DHRS13: variants seen among roughly 807,000 people sequenced by gnomAD.
DHRS13 encodes the protein dehydrogenase/reductase 13, also known as dehydrogenase/reductase SDR family member 13.
Under a neutral mutation model 17.9 loss-of-function variants are expected in DHRS13, and 22 were observed. The observed-to-expected ratio is 1.23, with a 90% CI of 0.88 to 1.75. The LOEUF (loss-of-function observed/expected upper bound fraction) is 1.75, where lower values mean the gene tolerates loss of function less well. Among genes scored for constraint, DHRS13 ranks in the 40% most tolerant of loss-of-function variants. The pLI is 0.00. For missense variants in DHRS13, 483 were observed against 519.9 expected (o/e 0.93, Z 0.69); for synonymous variants, 206 against 220.4 (o/e 0.93, Z 0.58).
rs1256437653 is a variant in DHRS13, at chr17:28,902,662, A to G, written c.167T>C (p.Leu56Pro). 3 of 1,434,886 alleles carry G rather than the reference A, an allele frequency of 2.1e-6. No homozygotes were observed. Among genetic ancestry groups the G allele is most frequent in the Non-Finnish European group, 2.7e-6 (3 of 1,101,574 alleles). The allele number at this position is 1,434,886 out of a possible 1,614,324, so 88.9% of individuals were successfully genotyped here. Residue 56 changes from leucine (L) to proline (P), a missense_variant, in exon 2 of 5, where the codon CTG (leucine) becomes CCG (proline). Physicochemically the swap from Leu to Pro is moderately conservative, Grantham distance 98 (BLOSUM62 -3). Coordinates refer to ENST00000378895, the MANE Select transcript of DHRS13 (RefSeq NM_144683.4). This position sits in a 1 kb window ranked among gnomAD's most constrained non-coding sequence, Gnocchi z 4.0. ...SGIGKMTALE[L>P]ARRGARVVLA... Reference sequence around the variant, plus strand: ...CACCACGCGCGCTCCCCGGCGCGCCAGCTCCAGCGCCGTCATCTTTCCGAT... The same window carrying G: ...CACCACGCGCGCTCCCCGGCGCGCCGGCTCCAGCGCCGTCATCTTTCCGAT...
Position 28,901,372 on chromosome 17 carries a change from G to C in DHRS13, c.371-71C>G. ...GCAGCCTTGGCATCCCTATCTATGA[G>C]ATGGGAGAAGGGGGCATCCTTCCCA... is the stretch of plus-strand genomic sequence containing the variant. On this transcript the variant is annotated intron_variant, in intron 3 of 4. Transcript: ENST00000378895. This position sits in a 1 kb window ranked among gnomAD's most constrained non-coding sequence, Gnocchi z 4.3. The C allele has an allele frequency of 1.9e-6, 3 of 1,583,458 alleles. No homozygotes were observed. The highest frequency in any genetic ancestry group is 2.6e-6 in the Non-Finnish European group (3 of 1,163,324).
Position 28,901,652 on chromosome 17 carries a change from A to T in DHRS13, c.247-36T>A. Reference sequence around the variant, plus strand: ...GCAAGGGCTGGGCTTGTCACCAGGCATCTCTCTCCTCTTCCCTCTCCCCAG... The same window carrying T: ...GCAAGGGCTGGGCTTGTCACCAGGCTTCTCTCTCCTCTTCCCTCTCCCCAG... On this transcript the variant is annotated intron_variant, in intron 2 of 4. Transcript: ENST00000378895. The surrounding 1 kb of genome is among the most constrained non-coding windows in gnomAD (Gnocchi z 4.3). 3 of 1,610,614 alleles carry T rather than the reference A, an allele frequency of 1.9e-6. No individual in the cohort carries two copies. The highest frequency in any genetic ancestry group is 2.2e-5 in the South Asian group (2 of 90,994).
rs1180843595 is a variant in DHRS13, at chr17:28,901,173, C to A, written c.499G>T (p.Val167Leu). 3 of 1,614,068 alleles carry A rather than the reference C, an allele frequency of 1.9e-6. No individual in the cohort carries two copies. Reference sequence around the variant, plus strand: ...CGACAGTGGGCAGCTGAGGCTACCACCACCACGCGGCTAGGGGCACATGCC... The same window carrying A: ...CGACAGTGGGCAGCTGAGGCTACCAACACCACGCGGCTAGGGGCACATGCC... The part of the protein sequence containing the change: ...LKACAPSRVV[V>L]VASAAHCRGR... The change falls in exon 4 of 5, where the codon GTG becomes TTG. Residue 167 changes from valine to leucine, a missense_variant. Physicochemically the swap from Val to Leu is conservative, Grantham distance 32. Coordinates refer to ENST00000378895, the MANE Select transcript of DHRS13 (RefSeq NM_144683.4). The surrounding 1 kb of genome is among the most constrained non-coding windows in gnomAD (Gnocchi z 4.3).
At position 28,901,385 on chromosome 17, in the gene DHRS13, G is replaced by A; in HGVS notation, c.371-84C>T. The A allele has an allele frequency of 1.3e-6, 2 of 1,588,886 alleles. No homozygotes were observed. The highest frequency in any genetic ancestry group is 1.7e-6 in the Non-Finnish European group (2 of 1,166,738). On this transcript the variant is annotated intron_variant, in intron 3 of 4. Coordinates refer to ENST00000378895, the MANE Select transcript of DHRS13 (RefSeq NM_144683.4). This position sits in a 1 kb window ranked among gnomAD's most constrained non-coding sequence, Gnocchi z 4.3. ...CCCTATCTATGAGATGGGAGAAGGGGGCATCCTTCCCATGTGTCCACTGGC... is the reference window on the plus strand; with the variant it reads ...CCCTATCTATGAGATGGGAGAAGGGAGCATCCTTCCCATGTGTCCACTGGC...
At position 28,903,069 on chromosome 17, in the gene DHRS13, G is replaced by GCGGGCAGGAGGC; in HGVS notation, c.-126_-125insGCCTCCTGCCCG. The GCGGGCAGGAGGC allele has an allele frequency of 2.3e-6, 2 of 880,054 alleles. No homozygotes were observed. The highest frequency in any genetic ancestry group is 3.0e-6 in the Non-Finnish European group (2 of 674,882). 54.5% of individuals were successfully genotyped at this position (880,054 alleles called of 1,614,324 possible). A position where few individuals can be genotyped will look rare whatever the true frequency, so the allele number is the denominator to read the frequency against. ...GGCGCGTCAGCCTCCGAAGGCGGAGGCGGGCAGGAGGCTGGGCAGGGGCGT... is the reference window on the plus strand; with the variant it reads ...GGCGCGTCAGCCTCCGAAGGCGGAGGCGGGCAGGAGGCCGGGCAGGAGGCTGGGCAGGGGCGT... On this transcript the variant is annotated 5_prime_UTR_variant, in exon 1 of 5. Coordinates refer to ENST00000378895, the MANE Select transcript of DHRS13 (RefSeq NM_144683.4). This position sits in a 1 kb window ranked among gnomAD's most constrained non-coding sequence, Gnocchi z 4.8.
chr17:28,901,352 C>T lies in DHRS13; in HGVS notation c.371-51G>A. The T allele has an allele frequency of 6.3e-7, 1 of 1,581,172 alleles. No homozygotes were observed. The highest frequency in any genetic ancestry group is 8.6e-7 in the Non-Finnish European group (1 of 1,162,288). On this transcript the variant is annotated intron_variant, in intron 3 of 4. Coordinates refer to ENST00000378895, the MANE Select transcript of DHRS13 (RefSeq NM_144683.4). The surrounding 1 kb of genome is among the most constrained non-coding windows in gnomAD (Gnocchi z 4.3). ...GCTGCTCCAGAAGGAGCTCTGCAGC[C>T]TTGGCATCCCTATCTATGAGATGGG...
chr17:28,902,723 C>G lies in DHRS13; in HGVS notation c.128-22G>C. On this transcript the variant is annotated intron_variant, in intron 1 of 4. Transcript: ENST00000378895. This position sits in a 1 kb window ranked among gnomAD's most constrained non-coding sequence, Gnocchi z 4.0. ...GCGCCTGCGGACCGCGGGCGGGAGC[C>G]GAGCTGAGCTGAGCCCGGCGGGCCG... The G allele has an allele frequency of 7.4e-7, 1 of 1,351,964 alleles. No homozygotes were observed. The highest frequency in any genetic ancestry group is 1.8e-5 in the South Asian group (1 of 55,332). The allele number at this position is 1,351,964 out of a possible 1,614,324, so 83.7% of individuals were successfully genotyped here.
rs1235060082 is a variant in DHRS13, at chr17:28,899,908, T to TTTTTTTC, written c.683-1023_683-1017dup. On this transcript the variant is annotated intron_variant, in intron 4 of 4. Coordinates refer to ENST00000378895, the MANE Select transcript of DHRS13 (RefSeq NM_144683.4). This position sits in a 1 kb window ranked among gnomAD's most constrained non-coding sequence, Gnocchi z 4.7. Reference sequence around the variant, plus strand: ...TTTGTAGTAGAGACAGGTTTTCTTTTTTTTTTCTTTTTTCTTTTTTTTTGA... The same window carrying TTTTTTTC: ...TTTGTAGTAGAGACAGGTTTTCTTTTTTTTTTCTTTTTTCTTTTTTCTTTTTTTTTGA... 1.3e-5 allele frequency among the ~76,000 whole-genome samples: 2 copies of TTTTTTTC among 151,262 alleles called. No individual in the cohort carries two copies. The highest frequency in any genetic ancestry group is 2.9e-5 in the Non-Finnish European group (2 of 67,894).
Position 28,902,743 on chromosome 17 carries a change from G to A in DHRS13, c.128-42C>T. ...GGAGCCGAGCTGAGCTGAGCCCGGC[G>A]GGCCGCTGCTACCGCCGGCCCGGCC... On this transcript the variant is annotated intron_variant, in intron 1 of 4. Transcript: ENST00000378895. This position sits in a 1 kb window ranked among gnomAD's most constrained non-coding sequence, Gnocchi z 4.0. 7.3e-7 allele frequency: 1 copy of A among 1,375,756 alleles called. No homozygotes were observed. The highest frequency in any genetic ancestry group is 9.3e-7 in the Non-Finnish European group (1 of 1,074,970). The allele number at this position is 1,375,756 out of a possible 1,614,324, so 85.2% of individuals were successfully genotyped here. A position where few individuals can be genotyped will look rare whatever the true frequency, so the allele number is the denominator to read the frequency against.
chr17:28,900,318 C>G (rs146455810), intron 4 of DHRS13, among the ~76,000 whole-genome samples: 1 of 152,232 alleles, frequency 6.6e-6, no homozygotes, highest in African/African-American at 2.4e-5. Context: ...CATGAGCCAC[C>G]GCTTCCAGCC....
rs547099424 is a variant in DHRS13, at chr17:28,900,861, C to A, written c.682+129G>T. 8 of 1,075,440 alleles carry A rather than the reference C, an allele frequency of 7.4e-6. No individual in the cohort carries two copies. In the South Asian group the frequency reaches 9.9e-5, roughly 13 times the overall value. 66.6% of individuals were successfully genotyped at this position (1,075,440 alleles called of 1,614,324 possible). ...GGAACAGGTCTCTCCTTGGACTATG[C>A]TTCCTTGCTGCCCTGAGATTCTGTG... On this transcript the variant is annotated intron_variant, in intron 4 of 4. Transcript: ENST00000378895.
chr17:28,902,854 T>A lies in DHRS13; in HGVS notation c.91A>T (p.Met31Leu). 1 of 1,550,552 alleles carries A rather than the reference T, an allele frequency of 6.4e-7. No homozygotes were observed. Among genetic ancestry groups the A allele is most frequent in the South Asian group, 1.2e-5 (1 of 86,890 alleles). The change falls in exon 1 of 5, where the codon ATG (methionine) becomes TTG (leucine). Residue 31 changes from methionine to leucine, a missense_variant. Physicochemically the swap from Met to Leu is conservative, Grantham distance 15. Transcript: ENST00000378895. This position sits in a 1 kb window ranked among gnomAD's most constrained non-coding sequence, Gnocchi z 4.0. ...GCCGTGCGGCCCCGCAGGTTGCCCA[T>A]GCCGCCGCACGGCGGGGCCTTCACC... ...NLVKAPPCGG[M>L]GNLRGRTAVV... is the part of the protein sequence containing the mutation.
In DHRS13 at chr17:28,901,499, T is replaced by G. The variant is rs779720766; in HGVS notation, c.364A>C (p.Asn122His). Residue 122 changes from asparagine (N) to histidine (H), a missense_variant, in exon 3 of 5, where the codon AAT (asparagine) becomes CAT (histidine). Coordinates refer to ENST00000378895, the MANE Select transcript of DHRS13 (RefSeq NM_144683.4). This position sits in a 1 kb window ranked among gnomAD's most constrained non-coding sequence, Gnocchi z 4.3. ...AGGGCCTGCTGCCCCTCACCGGCATTGTGGATGAGGATGTCCAACCGTGGC... is the reference window on the plus strand; with the variant it reads ...AGGGCCTGCTGCCCCTCACCGGCATGGTGGATGAGGATGTCCAACCGTGGC... ...SEPRLDILIH[N>H]AGISSCGRTR... is the part of the protein sequence containing the mutation. 6 of 1,613,868 alleles carry G rather than the reference T, an allele frequency of 3.7e-6. No homozygotes were observed. Among genetic ancestry groups the G allele is most frequent in the Non-Finnish European group, 5.1e-6 (6 of 1,179,956 alleles).
chr17:28,902,853 A>C lies in DHRS13; in HGVS notation c.92T>G (p.Met31Arg). 2 of 1,550,360 alleles carry C rather than the reference A, an allele frequency of 1.3e-6. No homozygotes were observed. Among genetic ancestry groups the C allele is most frequent in the South Asian group, 1.2e-5 (1 of 86,880 alleles). Residue 31 changes from methionine to arginine, a missense_variant, in exon 1 of 5, where the codon ATG becomes AGG. By Grantham distance (91) the Met-to-Arg change is moderately conservative (BLOSUM62 -1). Coordinates refer to ENST00000378895, the MANE Select transcript of DHRS13 (RefSeq NM_144683.4). The surrounding 1 kb of genome is among the most constrained non-coding windows in gnomAD (Gnocchi z 4.0). ...GGCCGTGCGGCCCCGCAGGTTGCCC[A>C]TGCCGCCGCACGGCGGGGCCTTCAC... ...NLVKAPPCGG[M>R]GNLRGRTAVV...
chr17:28,901,560 C>G lies in DHRS13; in HGVS notation c.303G>C (p.Ser101=), dbSNP rs150069061. 1,515 of 1,614,228 alleles carry G rather than the reference C, an allele frequency of 9.4e-4. No homozygotes were observed. The highest frequency in any genetic ancestry group is 1.2e-3 in the Non-Finnish European group (1,410 of 1,180,040). The change falls in exon 3 of 5, where the codon TCG becomes TCC. Residue 101 remains serine (S), a synonymous_variant. Transcript: ENST00000378895. This position sits in a 1 kb window ranked among gnomAD's most constrained non-coding sequence, Gnocchi z 4.3. ...FMALDLASLA[S]VRAFATAFLS... ...GAAAGGCAGTGGCAAAGGCCCGCAC[C>G]GAGGCCAGACTGGCCAAGTCCAAGG...
chr17:28,902,238 A>G lies in DHRS13; in HGVS notation c.246+345T>C, dbSNP rs933518073. On this transcript the variant is annotated intron_variant, in intron 2 of 4. Transcript: ENST00000378895. The surrounding 1 kb of genome is among the most constrained non-coding windows in gnomAD (Gnocchi z 4.0). ...ATACTTTGTGCTCCAGCCTCATTAA[A>G]TCTTTTTCTCAGTTTTTCAGATCAG... 9.7e-6 allele frequency: 2 copies of G among 207,220 alleles called. No individual in the cohort carries two copies. Among genetic ancestry groups the G allele is most frequent in the African/African-American group, 4.6e-5 (2 of 43,052 alleles). 12.8% of individuals were successfully genotyped at this position (207,220 alleles called of 1,614,324 possible). A position where few individuals can be genotyped will look rare whatever the true frequency, so the allele number is the denominator to read the frequency against.
chr17:28,901,066 C>G lies in DHRS13; in HGVS notation c.606G>C (p.Leu202=), dbSNP rs764074838. Residue 202 remains leucine (L), a synonymous_variant, in exon 4 of 5, where the codon CTG becomes CTC. Coordinates refer to ENST00000378895, the MANE Select transcript of DHRS13 (RefSeq NM_144683.4). This position sits in a 1 kb window ranked among gnomAD's most constrained non-coding sequence, Gnocchi z 4.3. ...GCTCCCGGGCAAACAGTACATTAGC[C>G]AGCTTAGTGTCAGCATATGCCCGCA... is the stretch of plus-strand genomic sequence containing the variant. ...QELRAYADTK[L]ANVLFARELA... 1 of 1,614,180 alleles carries G rather than the reference C, an allele frequency of 6.2e-7. No individual in the cohort carries two copies. Among genetic ancestry groups the G allele is most frequent in the Admixed American group, 1.7e-5 (1 of 60,024 alleles).
Position 28,903,049 on chromosome 17 carries a change from G to A in DHRS13, c.-105C>T. ...CAGGCCTGGAACGGCGCCCGGGCGC[G>A]TCAGCCTCCGAAGGCGGAGGCGGGC... On this transcript the variant is annotated 5_prime_UTR_variant, in exon 1 of 5. It adds an upstream start codon to the 5' untranslated region. Coordinates refer to ENST00000378895, the MANE Select transcript of DHRS13 (RefSeq NM_144683.4). This position sits in a 1 kb window ranked among gnomAD's most constrained non-coding sequence, Gnocchi z 4.8. The A allele has an allele frequency of 9.5e-7, 1 of 1,047,224 alleles. No individual in the cohort carries two copies. The highest frequency in any genetic ancestry group is 4.0e-5 in the South Asian group (1 of 24,734). The allele number at this position is 1,047,224 out of a possible 1,614,324, so 64.9% of individuals were successfully genotyped here.
Position 28,902,426 on chromosome 17 carries a change from G to C in DHRS13, c.246+157C>G, listed in dbSNP as rs2039813896. Among the ~76,000 whole-genome samples the C allele has an allele frequency of 1.3e-5, 2 of 152,126 alleles. No homozygotes were observed. Among genetic ancestry groups the C allele is most frequent in the African/African-American group, 2.4e-5 (1 of 41,410 alleles). ...CACTCGGCTCTGGTGCGCCTTCCTC[G>C]GGTGACCCCAGCGCTCCGTGCACTC... is the stretch of plus-strand genomic sequence containing the variant. On this transcript the variant is annotated intron_variant, in intron 2 of 4. Transcript: ENST00000378895. The surrounding 1 kb of genome is among the most constrained non-coding windows in gnomAD (Gnocchi z 4.0).
Sources: allele counts gnomAD v4.1 joint callset (sites outside exome capture counted in the v4.1 genomes callset), GRCh38; gene constraint gnomAD v4.1.1; non-coding constraint Gnocchi (gnomAD v3.1); transcripts MANE v1.5; gene names NCBI Gene and HGNC (gene_info 2026-07-23, HGNC 2026-07-21).